The following PTPRM variants were observed in gnomAD, a reference collection of about 807,000 sequenced individuals.
PTPRM encodes the protein protein tyrosine phosphatase receptor type M.
PTPRM carries 47 observed loss-of-function variants against 186.7 expected under a neutral mutation model. The observed-to-expected ratio is 0.25, with a 90% CI of 0.20 to 0.32. PTPRM has a LOEUF of 0.32. Ranked by LOEUF, PTPRM falls within the 10% of genes least tolerant of loss-of-function variation. The pLI is 1.00. For synonymous variants in PTPRM, 668 were observed against 674.9 expected (o/e 0.99, Z 0.16); for missense variants, 1,494 against 1,865.0 (o/e 0.80, Z 3.66).
chr18:7,859,287 G>A (rs1406382696), intron 2 of PTPRM, among the ~76,000 whole-genome samples: 1 of 152,104 alleles, frequency 6.6e-6, no homozygotes, highest in African/African-American at 2.4e-5. Flanking sequence ...GATCTTCTTG[G>A]CCATTCTTTT....
chr18:7,829,904 G>A (rs2045675800), intron 2 of PTPRM, among the ~76,000 whole-genome samples: 1 of 151,774 alleles, frequency 6.6e-6, no homozygotes, highest in African/African-American at 2.4e-5. Flanking sequence ...ACATTTCAAT[G>A]TTTGAGTATT....
At chr18:7,638,754 T>G (rs1490880071) in intron 1 of PTPRM, among the ~76,000 whole-genome samples, 1 of 152,226 alleles carries the variant, frequency 6.6e-6, no homozygotes, top group Non-Finnish European at 1.5e-5. Context: ...AGCCTGCCAA[T>G]TAATGCTTTT....
At chr18:7,615,432 G>C (rs970901696) in intron 1 of PTPRM, among the ~76,000 whole-genome samples, 3 of 152,140 alleles carry the variant, frequency 2.0e-5, no homozygotes, top group African/African-American at 7.2e-5. Context: ...CTTTCTAGCT[G>C]AGTGTAGCTG....
chr18:8,120,466 CTCTTTT>C lies in PTPRM; in HGVS notation c.2167+5651_2167+5656del, dbSNP rs1480477069. Among the ~76,000 whole-genome samples the C allele has an allele frequency of 4.7e-5, 7 of 149,012 alleles. No individual in the cohort carries two copies. The East Asian group carries it at 1.4e-3, about 29-fold the overall frequency. ...TTTTTGGATATTAGGTGCTCTGTTT[CTCTTTT>C]TCTTTTTCTTTCTTTCTTTCTTTTT... is the stretch of plus-strand genomic sequence containing the variant. On this transcript the variant is annotated intron_variant, in intron 13 of 32. Coordinates refer to ENST00000580170, the MANE Select transcript of PTPRM (RefSeq NM_001105244.2).
At chr18:7,606,399 T>C (rs942601997) in intron 1 of PTPRM, among the ~76,000 whole-genome samples, 6 of 152,038 alleles carry the variant, frequency 3.9e-5, no homozygotes, top group Middle Eastern at 3.2e-3. Context: ...ACAGCAGGGA[T>C]TTGGCTTCTT....
At chr18:7,690,138 G>A (rs763246817) in intron 1 of PTPRM, among the ~76,000 whole-genome samples, 2 of 152,200 alleles carry the variant, frequency 1.3e-5, no homozygotes, top group Non-Finnish European at 2.9e-5. Context: ...TAGATGATCT[G>A]TATATCATCA....
intron 1 of PTPRM, among the ~76,000 whole-genome samples, chr18:7,728,666 G>T (rs534128669): frequency 2.6e-5 from 4 of 152,238 alleles, no homozygotes; most frequent in Non-Finnish European, 5.9e-5. Flanking sequence ...CCAGCAGTCC[G>T]GTCTTCAGCC....
intron 1 of PTPRM, among the ~76,000 whole-genome samples, chr18:7,581,482 C>T (rs2036844548): frequency 6.6e-6 from 1 of 152,146 alleles, no homozygotes; most frequent in Non-Finnish European, 1.5e-5. Context: ...GGTCTTTTTG[C>T]TGGCCTGATT....
At chr18:7,847,170 G>C (rs559308690) in intron 2 of PTPRM, among the ~76,000 whole-genome samples, 95 of 116,014 alleles carry the variant, frequency 8.2e-4, no homozygotes, top group African/African-American at 2.8e-3. Context: ...ATACAAATCT[G>C]GCTTTTTTTT....
chr18:7,615,694 C>T (rs779247752), intron 1 of PTPRM, among the ~76,000 whole-genome samples: 1 of 152,160 alleles, frequency 6.6e-6, no homozygotes, highest in Non-Finnish European at 1.5e-5. Flanking sequence ...AATTTTTCCA[C>T]AGATGGGGTG....
intron 8 of PTPRM, among the ~76,000 whole-genome samples, chr18:8,074,872 T>C (rs894755815): frequency 6.6e-6 from 1 of 152,226 alleles, no homozygotes; most frequent in Non-Finnish European, 1.5e-5. Context: ...TGTCCTTTGA[T>C]GCCCAAAAGG....
chr18:7,918,444 T>C (rs2146698385), intron 4 of PTPRM, among the ~76,000 whole-genome samples: 1 of 152,266 alleles, frequency 6.6e-6, no homozygotes, highest in East Asian at 1.9e-4. Context: ...AGTGGAGTAA[T>C]GTGATAGCTC....
chr18:8,007,497 T>C (rs1171682158), intron 7 of PTPRM, among the ~76,000 whole-genome samples: 1 of 152,114 alleles, frequency 6.6e-6, no homozygotes, highest in Non-Finnish European at 1.5e-5. Context: ...TCACAGTAAA[T>C]AGTTTATCTC....
chr18:8,289,217 A>T (rs1389140308), intron 19 of PTPRM, among the ~76,000 whole-genome samples: 1 of 151,878 alleles, frequency 6.6e-6, no homozygotes, highest in Non-Finnish European at 1.5e-5. Context: ...CTCACCCCCC[A>T]ATAGAGCTTC....
intron 2 of PTPRM, among the ~76,000 whole-genome samples, chr18:7,816,054 C>A (rs2044806664): frequency 6.6e-6 from 1 of 152,146 alleles, no homozygotes; most frequent in African/African-American, 2.4e-5. Context: ...GTGATATGTG[C>A]CTTAGGTCCC....
At chr18:7,879,326 A>T (rs1391366765) in intron 2 of PTPRM, among the ~76,000 whole-genome samples, 2 of 152,204 alleles carry the variant, frequency 1.3e-5, no homozygotes, top group East Asian at 3.8e-4. Context: ...GTTGTTACTT[A>T]TGTAACTGTT....
At chr18:7,608,488 A>G (rs957049991) in intron 1 of PTPRM, among the ~76,000 whole-genome samples, 6 of 152,052 alleles carry the variant, frequency 3.9e-5, no homozygotes, top group African/African-American at 1.2e-4. Flanking sequence ...GAAGCTCTAC[A>G]TTGATCTCTG....
At chr18:7,747,590 T>C (rs1384606134) in intron 1 of PTPRM, 1 of 152,552 alleles carries the variant, frequency 6.6e-6, no homozygotes, top group South Asian at 2.1e-4. Context: ...CTCTCTTTTC[T>C]GTTCCTTGGC....
chr18:7,842,930 G>GTGTGTATATA (rs377182615), intron 2 of PTPRM, among the ~76,000 whole-genome samples: 31 of 100,926 alleles, frequency 3.1e-4, no homozygotes, highest in African/African-American at 1.5e-3. Context: ...GTGTGTGTGT[G>GTGTGTATATA]TATATATATA....
Sources: allele counts gnomAD v4.1 joint callset (sites outside exome capture counted in the v4.1 genomes callset), GRCh38; gene constraint gnomAD v4.1.1; transcripts MANE v1.5; gene names NCBI Gene and HGNC (gene_info 2026-07-23, HGNC 2026-07-21).